Variants in SLC23A2 observed in about 807,000 individuals in gnomAD.
SLC23A2 encodes the protein Na(+)/L-ascorbic acid transporter 2.
SLC23A2 carries 36 observed loss-of-function variants against 73.3 expected under a neutral mutation model. The observed-to-expected ratio is 0.49, with a 90% CI of 0.38 to 0.65. SLC23A2 has a LOEUF of 0.65. SLC23A2 is among the 30% of genes least tolerant of loss of function. SLC23A2 has a pLI of 0.00. For synonymous variants in SLC23A2, 343 were observed against 327.3 expected (o/e 1.05, Z -0.52); for missense variants, 507 against 841.6 (o/e 0.60, Z 4.92).
At chr20:4,927,979 T>G (rs990789390) in intron 3 of SLC23A2, among the ~76,000 whole-genome samples, 1 of 152,196 alleles carries the variant, frequency 6.6e-6, no homozygotes, top group Non-Finnish European at 1.5e-5. Flanking sequence ...ACTTTAAAAG[T>G]TGACTTAGGG....
At chr20:4,932,848 T>G in intron 2 of SLC23A2, 132 bp from the exon 3 acceptor site, 1 of 266,776 alleles carries the variant, frequency 3.7e-6, no homozygotes, top group Admixed American at 5.0e-5. Context: ...ATACTTTACC[T>G]AATTACAGTT....
chr20:4,989,021 G>A (rs1429132017), intron 1 of SLC23A2, among the ~76,000 whole-genome samples: 30 of 151,782 alleles, frequency 2.0e-4, no homozygotes, highest in Admixed American at 2.0e-3. Flanking sequence ...TGGATCACAA[G>A]GTCAGGAGGG....
rs913139791 is a variant in SLC23A2 at position 4,863,374 on chromosome 20, G to A, written c.1357-467C>T. ...GTGGAAAAGAGAAGGGGCTACGGAT[G>A]AGGACATCTGGAGCCTGACTGCGGG... On this transcript the variant is annotated intron_variant, in intron 13 of 16. Coordinates refer to ENST00000338244, the MANE Select transcript of SLC23A2 (RefSeq NM_005116.6). This position sits in a 1 kb window ranked among gnomAD's most constrained non-coding sequence, Gnocchi z 4.8. 6.6e-6 allele frequency among the ~76,000 whole-genome samples: 1 copy of A among 152,232 alleles called. No individual in the cohort carries two copies. Among genetic ancestry groups the A allele is most frequent in the African/African-American group, 2.4e-5 (1 of 41,460 alleles).
chr20:4,963,765 T>C (rs1004017824), intron 2 of SLC23A2, among the ~76,000 whole-genome samples: 2 of 151,992 alleles, frequency 1.3e-5, no homozygotes, highest in African/African-American at 4.8e-5. Context: ...CCAGAATCAC[T>C]TGAACCCAGA....
rs892663823 is a variant in SLC23A2 at position 4,872,370 on chromosome 20, G to A, written c.1102+1566C>T. Among the ~76,000 whole-genome samples, 4 of 152,272 alleles carry A rather than the reference G, an allele frequency of 2.6e-5. No homozygotes were observed. Among genetic ancestry groups the A allele is most frequent in the Admixed American group, 2.0e-4 (3 of 15,294 alleles). On this transcript the variant is annotated intron_variant, in intron 11 of 16. Transcript: ENST00000338244. This position sits in a 1 kb window ranked among gnomAD's most constrained non-coding sequence, Gnocchi z 4.4. The stretch of plus-strand genomic sequence containing the variant: ...GGCAGGCCAGGAGCCCTACGTGCTC[G>A]CTCACGGCCAGCACAACCTCAGGCG...
intron 3 of SLC23A2, among the ~76,000 whole-genome samples, chr20:4,916,399 G>C (rs1459237412): frequency 2.0e-5 from 3 of 152,148 alleles, no homozygotes; most frequent in Non-Finnish European, 1.5e-5. Context: ...TTGCTGCAGG[G>C]AACAGCAACT....
chr20:4,907,338 C>T (rs1033390088), intron 4 of SLC23A2, among the ~76,000 whole-genome samples: 1 of 151,980 alleles, frequency 6.6e-6, no homozygotes, highest in African/African-American at 2.4e-5. Context: ...CAAGGGCAGG[C>T]CCACGATTAG....
At chr20:4,956,988 G>C (rs1293429531) in intron 2 of SLC23A2, among the ~76,000 whole-genome samples, 1 of 151,744 alleles carries the variant, frequency 6.6e-6, no homozygotes, top group Non-Finnish European at 1.5e-5. Context: ...TATATTTTTA[G>C]TAGAGACGGG....
At chr20:4,869,769 C>T in intron 12 of SLC23A2, 137 bp downstream of exon 12, 1 of 684,900 alleles carries the variant, frequency 1.5e-6, no homozygotes, top group Non-Finnish European at 2.5e-6. Context: ...GGTGATGCAT[C>T]AAACAGTCGC....
chr20:5,005,816 G>A (rs988654916), upstream of SLC23A2, among the ~76,000 whole-genome samples: 2 of 151,998 alleles, frequency 1.3e-5, no homozygotes, highest in Admixed American at 6.6e-5. Context: ...GGTGAACCCC[G>A]TCTCTACTAA....
upstream of SLC23A2, among the ~76,000 whole-genome samples, chr20:5,004,793 A>G (rs1446294933): frequency 2.6e-5 from 4 of 152,204 alleles, no homozygotes; most frequent in Non-Finnish European, 4.4e-5. Flanking sequence ...TGAGGTCGGG[A>G]GTTCGAGACC....
At chr20:4,945,292 T>A (rs934278554) in intron 2 of SLC23A2, among the ~76,000 whole-genome samples, 1 of 148,766 alleles carries the variant, frequency 6.7e-6, no homozygotes, top group Non-Finnish European at 1.5e-5. Flanking sequence ...GAACTCTTGA[T>A]CTTGTTTGTT....
intron 2 of SLC23A2, among the ~76,000 whole-genome samples, chr20:4,953,654 T>A (rs2087237416): frequency 6.6e-6 from 1 of 152,056 alleles, no homozygotes; most frequent in African/African-American, 2.4e-5. Context: ...TTTGGGAGGC[T>A]GAGGTGGGCA....
chr20:4,873,865 C>A (rs1324739826), intron 11 of SLC23A2, 71 bp downstream of exon 11: 1 of 1,458,334 alleles, frequency 6.9e-7, no homozygotes, highest in Non-Finnish European at 9.4e-7. Context: ...GACGGCTGTT[C>A]TGCCAAATTC....
intron 2 of SLC23A2, among the ~76,000 whole-genome samples, chr20:4,937,292 T>C (rs1488320245): frequency 6.6e-6 from 1 of 152,202 alleles, no homozygotes; most frequent in Non-Finnish European, 1.5e-5. Flanking sequence ...CCCGGGAATT[T>C]GACACTGGGG....
intron 1 of SLC23A2, among the ~76,000 whole-genome samples, chr20:4,993,251 T>C (rs982752710): frequency 4.0e-4 from 57 of 142,270 alleles, no homozygotes; most frequent in African/African-American, 1.4e-3. Flanking sequence ...GCCACTGCAC[T>C]CCAGCCTGGG....
intron 4 of SLC23A2, among the ~76,000 whole-genome samples, chr20:4,904,468 A>AC (rs1931866876): frequency 6.8e-6 from 1 of 146,072 alleles, no homozygotes; most frequent in African/African-American, 2.6e-5. Context: ...AAACAAACAA[A>AC]AAAAAAACCC....
At position 4,916,649 on chromosome 20, in the gene SLC23A2, T is replaced by C. The variant is rs151036984; in HGVS notation, c.109-3671A>G. 2.4e-3 allele frequency among the ~76,000 whole-genome samples: 365 copies of C among 152,348 alleles called. 2 individuals carry two copies. Among genetic ancestry groups the C allele is most frequent in the Middle Eastern group, 0.01 (3 of 294 alleles). On this transcript the variant is annotated intron_variant, in intron 3 of 16. Transcript: ENST00000338244. The stretch of plus-strand genomic sequence containing the variant: ...CCTGACACATTCCACTCACTACTTA[T>C]ACATACACAAATAAGTATAATGATC...
intron 2 of SLC23A2, among the ~76,000 whole-genome samples, chr20:4,941,250 A>G (rs1288429852): frequency 6.6e-6 from 1 of 152,108 alleles, no homozygotes; most frequent in Non-Finnish European, 1.5e-5. Context: ...TCGGTCAGGC[A>G]TGGTGGCTCA....
Sources: gnomAD v4.1 joint callset for allele counts (sites outside exome capture counted in the v4.1 genomes callset) on GRCh38, gnomAD v4.1.1 for gene constraint, Gnocchi (gnomAD v3.1) non-coding constraint, MANE v1.5 for transcripts, NCBI Gene and HGNC (gene_info 2026-07-23, HGNC 2026-07-21) for gene names.